PIGK: variants seen among roughly 807,000 people sequenced by gnomAD.
The protein encoded by PIGK is GPI-anchor transamidase.
In PIGK, 42 loss-of-function variants were observed where a neutral mutation model predicts 50.6. The observed-to-expected ratio is 0.83, with a 90% CI of 0.65 to 1.07. The LOEUF (loss-of-function observed/expected upper bound fraction) is 1.07, where lower values mean the gene tolerates loss of function less well. PIGK is among the 50% of genes least tolerant of loss of function. The probability of loss-of-function intolerance (pLI) is 0.00; values close to 1 mark genes in which losing one functional copy is unlikely to be tolerated. For synonymous variants in PIGK, 151 were observed against 156.0 expected (o/e 0.97, Z 0.24); for missense variants, 448 against 488.7 (o/e 0.92, Z 0.78).
intron 9 of PIGK, among the ~76,000 whole-genome samples, chr1:77,150,291 G>C (rs187881811): frequency 1.7e-4 from 26 of 152,154 alleles, no homozygotes; most frequent in Non-Finnish European, 3.4e-4. Context: ...GCCAAGGTGG[G>C]AGGATCGTTT....
At chr1:77,189,866 T>C (rs1655858233) in intron 3 of PIGK, among the ~76,000 whole-genome samples, 1 of 151,482 alleles carries the variant, frequency 6.6e-6, no homozygotes, top group Non-Finnish European at 1.5e-5. Context: ...GTCTCAAGTA[T>C]TGCAGTCATA....
At chr1:77,193,882 C>A (rs1655969729) in intron 3 of PIGK, among the ~76,000 whole-genome samples, 1 of 152,080 alleles carries the variant, frequency 6.6e-6, no homozygotes. Flanking sequence ...GGAAAAGAAA[C>A]CATCAGCAGA....
chr1:77,211,283 G>C (rs1656414264), intron 1 of PIGK, among the ~76,000 whole-genome samples: 1 of 151,236 alleles, frequency 6.6e-6, no homozygotes, highest in African/African-American at 2.4e-5. Context: ...ATGAATCCAT[G>C]GTCCAAATGC....
chr1:77,113,757 A>C (rs1653904745), intron 10 of PIGK, among the ~76,000 whole-genome samples: 3 of 152,192 alleles, frequency 2.0e-5, no homozygotes, highest in Admixed American at 6.5e-5. Context: ...TGCACTACTT[A>C]AACTACATGG....
chr1:77,122,063 A>G (rs1654110241), intron 10 of PIGK, among the ~76,000 whole-genome samples: 1 of 152,204 alleles, frequency 6.6e-6, no homozygotes, highest in Non-Finnish European at 1.5e-5. Context: ...ATTTTATGTA[A>G]GTAAGAATTC....
chr1:77,096,098 G>C (rs7543898), intron 10 of PIGK, among the ~76,000 whole-genome samples: 98,664 of 151,820 alleles, frequency 0.65, 32,846 homozygotes, highest in African/African-American at 0.8. Context: ...GATTCACAAC[G>C]AACCAAAAAT....
intron 5 of PIGK, among the ~76,000 whole-genome samples, chr1:77,164,239 C>T (rs1655189880): frequency 6.6e-6 from 1 of 152,116 alleles, no homozygotes; most frequent in African/African-American, 2.4e-5. Flanking sequence ...AGTTTCCATT[C>T]ACAAAATGTT....
At chr1:77,104,859 C>A (rs1653629351) in intron 10 of PIGK, among the ~76,000 whole-genome samples, 1 of 152,178 alleles carries the variant, frequency 6.6e-6, no homozygotes, top group Non-Finnish European at 1.5e-5. Context: ...GACTCTCAAG[C>A]CCCAGAGTGG....
intron 5 of PIGK, among the ~76,000 whole-genome samples, chr1:77,164,550 A>G (rs1416131568): frequency 1.3e-5 from 2 of 152,182 alleles, no homozygotes; most frequent in Non-Finnish European, 2.9e-5. Context: ...GAAAGTAGAA[A>G]AAAAAAACTA....
At chr1:77,117,411 A>G (rs113626921) in intron 10 of PIGK, among the ~76,000 whole-genome samples, 4,023 of 152,336 alleles carry the variant, frequency 0.026, 170 homozygotes, top group African/African-American at 0.093. Flanking sequence ...TTTTGAAGAC[A>G]TCACTCCATT....
chr1:77,130,559 A>G (rs1422459242), intron 9 of PIGK, among the ~76,000 whole-genome samples: 1 of 152,088 alleles, frequency 6.6e-6, no homozygotes, highest in African/African-American at 2.4e-5. Flanking sequence ...TATGTTGTAT[A>G]TTTATTTACC....
At chr1:77,180,309 A>C (rs1291807962) in intron 3 of PIGK, among the ~76,000 whole-genome samples, 3 of 152,222 alleles carry the variant, frequency 2.0e-5, no homozygotes, top group Non-Finnish European at 4.4e-5. Flanking sequence ...CTGGAATTGT[A>C]TAGCAAGTGT....
intron 9 of PIGK, among the ~76,000 whole-genome samples, chr1:77,136,221 G>A (rs776613734): frequency 1.1e-4 from 16 of 152,122 alleles, no homozygotes; most frequent in Admixed American, 2.0e-4. Flanking sequence ...TTTGGTTTCC[G>A]CTGTTGCTAT....
In PIGK at chr1:77,166,782, T is replaced by G. The variant is rs974404015; in HGVS notation, c.424A>C (p.Ser142Arg). The G allele has an allele frequency of 6.2e-7, 1 of 1,603,624 alleles. No homozygotes were observed. Among genetic ancestry groups the G allele is most frequent in the Non-Finnish European group, 8.5e-7 (1 of 1,173,664 alleles). The change falls in exon 5 of 11, where the codon AGT becomes CGT. Residue 142 changes from serine (S) to arginine (R), a missense_variant. By Grantham distance (110) the Ser-to-Arg change is moderately radical. Coordinates refer to ENST00000370812, the MANE Select transcript of PIGK (RefSeq NM_005482.3). Reference sequence around the variant, plus strand: ...AGAAGACGTTTTGACCGAGGAGTACTAGGTGGGATCCTCCCAGTTAATACC... The same window carrying G: ...AGAAGACGTTTTGACCGAGGAGTACGAGGTGGGATCCTCCCAGTTAATACC... ...LRVLTGRIPP[S>R]TPRSKRLLSD...
chr1:77,148,857 G>A (rs1357084461), intron 9 of PIGK, among the ~76,000 whole-genome samples: 1 of 151,942 alleles, frequency 6.6e-6, no homozygotes, highest in Non-Finnish European at 1.5e-5. Context: ...TGGGACTACA[G>A]GTGCGCACTG....
At chr1:77,118,508 A>G (rs755076452) in intron 10 of PIGK, among the ~76,000 whole-genome samples, 1 of 152,254 alleles carries the variant, frequency 6.6e-6, no homozygotes, top group African/African-American at 2.4e-5. Context: ...AAAGTCAAAT[A>G]TATCAATTTT....
intron 10 of PIGK, among the ~76,000 whole-genome samples, chr1:77,103,385 G>T (rs1206111202): frequency 6.6e-6 from 1 of 152,090 alleles, no homozygotes; most frequent in East Asian, 1.9e-4. Context: ...AAATAATAAA[G>T]CTTCATTTAT....
intron 9 of PIGK, among the ~76,000 whole-genome samples, chr1:77,140,454 A>G (rs546501525): frequency 6.6e-6 from 1 of 152,024 alleles, no homozygotes; most frequent in Non-Finnish European, 1.5e-5. Flanking sequence ...CGCCTCCCCA[A>G]AAGTAGATAC....
intron 5 of PIGK, among the ~76,000 whole-genome samples, chr1:77,164,955 T>C (rs904410795): frequency 1.3e-5 from 2 of 152,182 alleles, no homozygotes; most frequent in Non-Finnish European, 2.9e-5. Context: ...GGCAACCTTC[T>C]ACAAAAGATC....
Sources: gnomAD v4.1 joint callset for allele counts (sites outside exome capture counted in the v4.1 genomes callset) on GRCh38, gnomAD v4.1.1 for gene constraint, MANE v1.5 for transcripts, NCBI Gene and HGNC (gene_info 2026-07-23, HGNC 2026-07-21) for gene names.